The following ASCC1 variants were observed in gnomAD, a reference collection of about 807,000 sequenced individuals.
ASCC1 encodes the protein activating signal cointegrator 1 complex subunit 1.
Under a neutral mutation model 46.6 loss-of-function variants are expected in ASCC1, and 35 were observed. That is an observed-to-expected ratio of 0.75 (90% CI 0.57 to 0.99). The LOEUF (loss-of-function observed/expected upper bound fraction) is 0.99, where lower values mean the gene tolerates loss of function less well. Among genes scored for constraint, ASCC1 ranks in the 50% least tolerant of loss-of-function variants. The pLI, the probability that ASCC1 is intolerant of heterozygous loss-of-function variation, is 0.00. For missense variants in ASCC1, 376 were observed against 428.7 expected, an observed-to-expected ratio of 0.88 and a Z score of 1.09; for synonymous variants, 143 against 146.6, an observed-to-expected ratio of 0.98 and a Z score of 0.18.
intron 9 of ASCC1, among the ~76,000 whole-genome samples, chr10:72,126,828 C>G (rs1844916268): frequency 1.3e-5 from 2 of 152,210 alleles, no homozygotes; most frequent in Non-Finnish European, 2.9e-5. Flanking sequence ...AATTCATTAG[C>G]AGCCTGCCAC....
chr10:72,108,594 C>T (rs922429710), intron 9 of ASCC1, among the ~76,000 whole-genome samples: 8 of 152,270 alleles, frequency 5.3e-5, no homozygotes, highest in African/African-American at 1.9e-4. Context: ...CCATTCCCAG[C>T]TTTTCACTTG....
At chr10:72,193,851 T>C (rs188275759) in intron 5 of ASCC1, among the ~76,000 whole-genome samples, 1 of 151,846 alleles carries the variant, frequency 6.6e-6, no homozygotes, top group East Asian at 1.9e-4. Context: ...GATTTTTTTT[T>C]TTTTTTTTGA....
At chr10:72,156,786 G>GA (rs991022735) in intron 6 of ASCC1, among the ~76,000 whole-genome samples, 36 of 137,420 alleles carry the variant, frequency 2.6e-4, no homozygotes, top group South Asian at 4.7e-4. Context: ...AAAAAAAAAA[G>GA]AAAAAAAAAA....
chr10:72,156,301 C>A (rs1260420409), intron 6 of ASCC1, among the ~76,000 whole-genome samples: 1 of 152,142 alleles, frequency 6.6e-6, no homozygotes, highest in African/African-American at 2.4e-5. Context: ...CTGAGGCCTC[C>A]CGAGAAGCCG....
intron 8 of ASCC1, among the ~76,000 whole-genome samples, chr10:72,131,755 T>C (rs2132281345): frequency 6.6e-6 from 1 of 152,216 alleles, no homozygotes; most frequent in South Asian, 2.1e-4. Context: ...TTGGTACATA[T>C]CTGAGAGAAA....
intron 9 of ASCC1, among the ~76,000 whole-genome samples, chr10:72,126,702 C>CA (rs1366126682): frequency 9.9e-5 from 15 of 152,094 alleles, no homozygotes; most frequent in East Asian, 3.8e-4. Flanking sequence ...CAACAAAAAG[C>CA]AAAGTAATTC....
chr10:72,174,742 T>C (rs1281754626), intron 5 of ASCC1, among the ~76,000 whole-genome samples: 2 of 152,202 alleles, frequency 1.3e-5, no homozygotes, highest in African/African-American at 4.8e-5. Flanking sequence ...GTAGAGAGCC[T>C]AGGGTTCTAA....
rs57489181 is a variant in ASCC1, at chr10:72,193,842, A to ATT, written c.489+2967_489+2968dup. On this transcript the variant is annotated intron_variant, in intron 5 of 9. Transcript: ENST00000672957. ...AAATGTAAATTATGAAATAATACTG[A>ATT]TTTTTTTTTTTTTTTTTGAGACATC... Among the ~76,000 whole-genome samples the ATT allele has an allele frequency of 4.5e-4, 64 of 140,974 alleles. 1 individual carries two copies. Among genetic ancestry groups the ATT allele is most frequent in the South Asian group, 1.6e-3 (7 of 4,492 alleles). The allele number at this position is 140,974 out of a possible 152,430, so 92.5% of individuals were successfully genotyped here.
chr10:72,203,235 G>A (rs1246501873), intron 4 of ASCC1, among the ~76,000 whole-genome samples, 192 bp downstream of exon 4: 3 of 146,368 alleles, frequency 2.0e-5, no homozygotes, highest in African/African-American at 5.1e-5. Flanking sequence ...GCAGTGAGCC[G>A]AGATCACACC....
intron 9 of ASCC1, among the ~76,000 whole-genome samples, chr10:72,103,507 C>T (rs1433637544): frequency 6.6e-6 from 1 of 152,128 alleles, no homozygotes; most frequent in Non-Finnish European, 1.5e-5. Flanking sequence ...CCTAAAGACA[C>T]ACACGAAGTT....
At chr10:72,102,303 G>C in intron 9 of ASCC1, 18 of 1,535,556 alleles carry the variant, frequency 1.2e-5, no homozygotes, top group Non-Finnish European at 1.6e-5. Context: ...ACAAGTTCAG[G>C]TGTGTTTACA....
chr10:72,139,961 G>C (rs1010059706), intron 7 of ASCC1, among the ~76,000 whole-genome samples: 1 of 152,166 alleles, frequency 6.6e-6, no homozygotes, highest in African/African-American at 2.4e-5. Flanking sequence ...AATAACATAA[G>C]CAATACAGAG....
At chr10:72,156,642 G>A (rs1849003581) in intron 6 of ASCC1, among the ~76,000 whole-genome samples, 1 of 151,856 alleles carries the variant, frequency 6.6e-6, no homozygotes, top group African/African-American at 2.4e-5. Context: ...CGTGGTGGCG[G>A]GCGCCTGTAG....
intron 4 of ASCC1, among the ~76,000 whole-genome samples, chr10:72,201,729 G>C (rs1382902929): frequency 2.0e-5 from 3 of 151,700 alleles, no homozygotes; most frequent in Non-Finnish European, 4.4e-5. Flanking sequence ...CTTGAGCTCA[G>C]GAGTTCAAGA....
At chr10:72,159,903 CTTT>C (rs900754769) in intron 6 of ASCC1, among the ~76,000 whole-genome samples, 8 of 129,916 alleles carry the variant, frequency 6.2e-5, no homozygotes, top group Non-Finnish European at 5.0e-5. Flanking sequence ...TACACAGTTT[CTTT>C]TTTTTTTTTT....
In ASCC1 at chr10:72,148,125, G is replaced by GT. The variant is rs200290473; in HGVS notation, c.746+4743dup. Among the ~76,000 whole-genome samples, 1,326 of 151,858 alleles carry GT rather than the reference G, an allele frequency of 8.7e-3. 16 individuals carry two copies. The highest frequency in any genetic ancestry group is 0.03 in the African/African-American group (1,257 of 41,406). ...TATATTCTTCACTATATATTTACAG[G>GT]TTTTTTTTAAGTTTCATTTAATCTT... is the stretch of plus-strand genomic sequence containing the variant. On this transcript the variant is annotated intron_variant, in intron 7 of 9. Coordinates refer to ENST00000672957, the MANE Select transcript of ASCC1 (RefSeq NM_001198800.3).
intron 2 of ASCC1, among the ~76,000 whole-genome samples, chr10:72,211,786 G>A (rs974817645): frequency 2.7e-5 from 4 of 150,794 alleles, no homozygotes; most frequent in African/African-American, 9.8e-5. Context: ...TCGCGCCACT[G>A]CACTCCAGCC....
chr10:72,102,106 ACAAACCTTCACATGTACCCC>A lies in ASCC1; in HGVS notation c.958-4676_958-4657del, dbSNP rs539290594. 1.8e-3 allele frequency among the ~76,000 whole-genome samples: 281 copies of A among 152,264 alleles called. 1 individual carries two copies. Among genetic ancestry groups the A allele is most frequent in the African/African-American group, 6.5e-3 (269 of 41,506 alleles). On this transcript the variant is annotated intron_variant, in intron 9 of 9. Transcript: ENST00000672957. The stretch of plus-strand genomic sequence containing the variant: ...CCCGTGACACATGTTTACCTGTGTA[ACAAACCTTCACATGTACCCC>A]CAAACCTAAAATAAAAATTACAAAA...
intron 5 of ASCC1, among the ~76,000 whole-genome samples, chr10:72,191,707 C>T (rs1854532345): frequency 6.6e-6 from 1 of 151,874 alleles, no homozygotes; most frequent in Non-Finnish European, 1.5e-5. Context: ...AGTACAATGG[C>T]GTGATCTCGG....
Sources: gnomAD v4.1 joint callset for allele counts (sites outside exome capture counted in the v4.1 genomes callset) on GRCh38, gnomAD v4.1.1 for gene constraint, MANE v1.5 for transcripts, NCBI Gene and HGNC (gene_info 2026-07-23, HGNC 2026-07-21) for gene names.